TNPO3: variants seen among roughly 807,000 people sequenced by gnomAD.
The protein encoded by TNPO3 is transportin 3, also known as transportin-3.
TNPO3 carries 65 observed loss-of-function variants against 122.8 expected under a neutral mutation model. That is an observed-to-expected ratio of 0.53 (90% CI 0.43 to 0.65). The LOEUF (loss-of-function observed/expected upper bound fraction) is 0.65. TNPO3 is among the 30% of genes least tolerant of loss of function. The pLI is 0.00. For missense variants in TNPO3, 850 were observed against 1,136.7 expected (o/e 0.75, Z 3.63); for synonymous variants, 372 against 411.2 (o/e 0.90, Z 1.15).
intron 1 of TNPO3, among the ~76,000 whole-genome samples, chr7:129,023,852 A>G (rs1804806351): frequency 6.6e-6 from 1 of 152,226 alleles, no homozygotes; most frequent in Non-Finnish European, 1.5e-5. Flanking sequence ...AACCACAATT[A>G]CTTTGGCACC....
At chr7:128,962,918 C>A (rs1797605351) in intron 21 of TNPO3, among the ~76,000 whole-genome samples, 1 of 152,070 alleles carries the variant, frequency 6.6e-6, no homozygotes, top group Non-Finnish European at 1.5e-5. Flanking sequence ...TTCAGACTTA[C>A]CATATTATTT....
intron 18 of TNPO3, among the ~76,000 whole-genome samples, chr7:128,973,564 G>A (rs568012540): frequency 5.3e-5 from 8 of 150,990 alleles, no homozygotes; most frequent in Admixed American, 2.6e-4. Context: ...GTGAAACCCC[G>A]TCTCTACTAA....
At chr7:129,008,666 G>A (rs185289918) in intron 4 of TNPO3, among the ~76,000 whole-genome samples, 11 of 152,230 alleles carry the variant, frequency 7.2e-5, no homozygotes, top group South Asian at 2.1e-4. Flanking sequence ...CAAAATGAAC[G>A]GAGTAACTAA....
chr7:128,999,597 G>A (rs1480574472), intron 7 of TNPO3, among the ~76,000 whole-genome samples: 3 of 150,340 alleles, frequency 2.0e-5, no homozygotes, highest in African/African-American at 7.4e-5. Context: ...CCCAACTTGG[G>A]AGCACTTCTT....
intron 4 of TNPO3, 95 bp downstream of exon 4, chr7:129,014,884 A>C: frequency 7.7e-7 from 1 of 1,291,430 alleles, no homozygotes; most frequent in Non-Finnish European, 1.0e-6. Context: ...TAAATTTTGC[A>C]AAGAAAGCTA....
intron 1 of TNPO3, among the ~76,000 whole-genome samples, chr7:129,018,911 G>A (rs562638036): frequency 6.6e-6 from 1 of 152,182 alleles, no homozygotes; most frequent in South Asian, 2.1e-4. Flanking sequence ...TAGAGGCGAG[G>A]TTTCACCATG....
intron 4 of TNPO3, among the ~76,000 whole-genome samples, chr7:129,010,229 C>A (rs1223607510): frequency 6.6e-6 from 1 of 152,172 alleles, no homozygotes; most frequent in Non-Finnish European, 1.5e-5. Flanking sequence ...TGCACTGGCA[C>A]AATCGTGGCT....
At chr7:129,037,934 CAAG>C (rs1806898677) in intron 1 of TNPO3, among the ~76,000 whole-genome samples, 1 of 151,924 alleles carries the variant, frequency 6.6e-6, no homozygotes, top group African/African-American at 2.4e-5. Context: ...ATGAATGACA[CAAG>C]AAAAACTAGG....
Position 128,974,637 on chromosome 7 carries a change from GTGAGCCCTCC to G in TNPO3, c.2273+221_2273+230del, listed in dbSNP as rs11278086. On this transcript the variant is annotated intron_variant, in intron 18 of 22. Transcript: ENST00000265388. Reference sequence around the variant, plus strand: ...CCAGGCACACTGCATTGTCTTGTGTGTGAGCCCTCCTTCCTGGCAGGAACTCAGCTCCTTT... The same window carrying G: ...CCAGGCACACTGCATTGTCTTGTGTGTTCCTGGCAGGAACTCAGCTCCTTT... Among the ~76,000 whole-genome samples, 14,366 of 152,180 alleles carry G rather than the reference GTGAGCCCTCC, an allele frequency of 0.094. 737 individuals are homozygous for G. The highest frequency in any genetic ancestry group is 0.12 in the Non-Finnish European group (8,116 of 67,982).
chr7:129,047,654 G>C (rs892486536), intron 1 of TNPO3, among the ~76,000 whole-genome samples: 3 of 152,164 alleles, frequency 2.0e-5, no homozygotes, highest in Non-Finnish European at 4.4e-5. Flanking sequence ...ACTGTCACCA[G>C]GTCATTCGAA....
At chr7:129,037,234 T>C (rs919453616) in intron 1 of TNPO3, among the ~76,000 whole-genome samples, 4 of 152,186 alleles carry the variant, frequency 2.6e-5, no homozygotes, top group African/African-American at 4.8e-5. Flanking sequence ...GAAACAATAC[T>C]GCTTTCCGTA....
intron 1 of TNPO3, among the ~76,000 whole-genome samples, chr7:129,037,877 GA>G (rs963361950): frequency 8.0e-5 from 12 of 149,866 alleles, no homozygotes; most frequent in South Asian, 2.1e-4. Flanking sequence ...TGAGAGAAGG[GA>G]AAAAAAAACT....
chr7:129,006,639 G>A (rs1432918798), intron 4 of TNPO3, among the ~76,000 whole-genome samples: 3 of 152,184 alleles, frequency 2.0e-5, no homozygotes, highest in African/African-American at 7.2e-5. Flanking sequence ...GAGAGTGGGG[G>A]TGAAATCCCA....
intron 19 of TNPO3, 68 bp downstream of exon 19, chr7:128,972,358 C>A: frequency 6.5e-7 from 1 of 1,527,032 alleles, no homozygotes; most frequent in South Asian, 1.2e-5. Context: ...CTGGTTTTCT[C>A]CTAAGGAATG....
upstream of TNPO3, chr7:129,056,127 G>A (rs1809433298): frequency 2.9e-6 from 3 of 1,038,512 alleles, no homozygotes; most frequent in Non-Finnish European, 4.5e-6. Flanking sequence ...TGTGCCTGCC[G>A]ACACCAAGGT....
At chr7:129,015,196 A>G (rs757714439) in intron 3 of TNPO3, 61 bp from the exon 4 acceptor site, 29 of 1,555,090 alleles carry the variant, frequency 1.9e-5, no homozygotes, top group Non-Finnish European at 2.5e-5. Flanking sequence ...ATCACATAAG[A>G]TAACAGCCAT....
intron 5 of TNPO3, 23 bp downstream of exon 5, chr7:129,004,993 T>G: frequency 6.3e-7 from 1 of 1,589,930 alleles, no homozygotes; most frequent in South Asian, 1.2e-5. Flanking sequence ...AGAAATACTT[T>G]GATAAATAAG....
chr7:129,034,468 T>C (rs1319251548), intron 1 of TNPO3, among the ~76,000 whole-genome samples: 4 of 152,104 alleles, frequency 2.6e-5, no homozygotes, highest in Non-Finnish European at 4.4e-5. Context: ...ATCACGCCAC[T>C]GCATTCCAGC....
chr7:129,027,577 AAAAAAAAAAAAAAAC>A lies in TNPO3; in HGVS notation c.121-9435_121-9421del, dbSNP rs1382205270. 9.0e-4 allele frequency among the ~76,000 whole-genome samples: 125 copies of A among 138,714 alleles called. 2 individuals carry two copies. Among genetic ancestry groups the A allele is most frequent in the East Asian group, 6.0e-3 (30 of 4,980 alleles). 91.0% of individuals were successfully genotyped at this position (138,714 alleles called of 152,430 possible). A position where few individuals can be genotyped will look rare whatever the true frequency, so the allele number is the denominator to read the frequency against. ...CTGTCTCAAAAAAAAAAAAAAAAAA[AAAAAAAAAAAAAAAC>A]AACACAAAAAATTCACTAAATACTC... On this transcript the variant is annotated intron_variant, in intron 1 of 22. Coordinates refer to ENST00000265388, the MANE Select transcript of TNPO3 (RefSeq NM_012470.4).
Sources: gnomAD v4.1 joint callset for allele counts (sites outside exome capture counted in the v4.1 genomes callset) on GRCh38, gnomAD v4.1.1 for gene constraint, MANE v1.5 for transcripts, NCBI Gene and HGNC (gene_info 2026-07-23, HGNC 2026-07-21) for gene names.